SPAG17: variants seen among roughly 807,000 people sequenced by gnomAD.
SPAG17 encodes sperm-associated antigen 17.
SPAG17 carries 169 observed loss-of-function variants against 273.6 expected under a neutral mutation model. The ratio of observed to expected loss-of-function variants is 0.62; its 90% confidence interval spans 0.55 to 0.70. The LOEUF (loss-of-function observed/expected upper bound fraction) is 0.70, where lower values mean the gene tolerates loss of function less well. Among genes scored for constraint, SPAG17 ranks in the 30% least tolerant of loss-of-function variants. SPAG17 has a pLI of 0.00. For missense variants in SPAG17, 2,557 were observed against 2,627.8 expected (o/e 0.97, Z 0.59); for synonymous variants, 825 against 873.2 (o/e 0.94, Z 0.97).
intron 32 of SPAG17, among the ~76,000 whole-genome samples, chr1:117,997,945 C>T (rs964721468): frequency 2.6e-5 from 4 of 152,068 alleles, no homozygotes; most frequent in African/African-American, 7.2e-5. Context: ...AGGGGATAGT[C>T]GTGGTGTTGA....
chr1:118,181,221 C>CA (rs1660924371), intron 1 of SPAG17, among the ~76,000 whole-genome samples: 1 of 151,434 alleles, frequency 6.6e-6, no homozygotes, highest in Non-Finnish European at 1.5e-5. Flanking sequence ...TAACAAAGGA[C>CA]AAAAAAATCT....
chr1:118,046,342 CA>C (rs1429634439), intron 20 of SPAG17, among the ~76,000 whole-genome samples: 1 of 151,210 alleles, frequency 6.6e-6, no homozygotes, highest in African/African-American at 2.4e-5. Flanking sequence ...TTTCCCAAAA[CA>C]AAAAATAAAA....
intron 3 of SPAG17, among the ~76,000 whole-genome samples, chr1:118,123,088 G>A (rs941201467): frequency 6.6e-6 from 1 of 152,254 alleles, no homozygotes; most frequent in East Asian, 1.9e-4. Context: ...GGATGTAGAG[G>A]AAAAAATATG....
At chr1:118,145,423 A>G (rs1445563729) in intron 3 of SPAG17, among the ~76,000 whole-genome samples, 4 of 152,240 alleles carry the variant, frequency 2.6e-5, no homozygotes, top group Non-Finnish European at 4.4e-5. Flanking sequence ...TCCAGGAAAC[A>G]GAAGTCAAAA....
At chr1:118,084,287 A>C (rs1654823680) in intron 13 of SPAG17, among the ~76,000 whole-genome samples, 1 of 152,180 alleles carries the variant, frequency 6.6e-6, no homozygotes, top group African/African-American at 2.4e-5. Flanking sequence ...TTAAAAGTGG[A>C]AAAAGAAATC....
chr1:118,031,722 T>C lies in SPAG17; in HGVS notation c.3579A>G (p.Glu1193=), dbSNP rs1648499387. 1 of 1,613,672 alleles carries C rather than the reference T, an allele frequency of 6.2e-7. No homozygotes were observed. The highest frequency in any genetic ancestry group is 1.7e-5 in the Admixed American group (1 of 59,956). The change falls in exon 25 of 49, where the codon GAA becomes GAG. Residue 1193 remains glutamate, a synonymous_variant. Coordinates refer to ENST00000336338, the MANE Select transcript of SPAG17 (RefSeq NM_206996.4). The part of the protein sequence containing the change: ...GKEKPKESLK[E]EEHPKEEEKK... The stretch of plus-strand genomic sequence containing the variant: ...TCTCTTCTTCTTTTGGGTGTTCTTC[T>C]TCTTTAAGGGATTCTTTGGGTTTTT...
At chr1:118,016,621 C>A (rs1253305511) in intron 28 of SPAG17, among the ~76,000 whole-genome samples, 1 of 152,198 alleles carries the variant, frequency 6.6e-6, no homozygotes, top group Non-Finnish European at 1.5e-5. Context: ...AAATTTTTAA[C>A]TCTTGATTCC....
At chr1:118,162,468 T>C (rs865780512) in intron 1 of SPAG17, among the ~76,000 whole-genome samples, 1 of 152,176 alleles carries the variant, frequency 6.6e-6, no homozygotes, top group Non-Finnish European at 1.5e-5. Context: ...GGGCATGGCA[T>C]TGGGAATAGG....
intron 4 of SPAG17, among the ~76,000 whole-genome samples, chr1:118,106,171 A>T (rs1471316337): frequency 1.3e-5 from 2 of 152,230 alleles, no homozygotes; most frequent in Non-Finnish European, 2.9e-5. Context: ...TTACTGTAGT[A>T]AATTAGCAAG....
chr1:117,967,855 T>C (rs1654050575), intron 46 of SPAG17, among the ~76,000 whole-genome samples: 1 of 152,202 alleles, frequency 6.6e-6, no homozygotes, highest in African/African-American at 2.4e-5. Flanking sequence ...AACAGTTATC[T>C]AGAAAAAAAT....
chr1:118,055,338 A>G (rs1057270176), intron 19 of SPAG17, among the ~76,000 whole-genome samples: 4 of 152,096 alleles, frequency 2.6e-5, no homozygotes, highest in Non-Finnish European at 5.9e-5. Context: ...TTTAGTCTCA[A>G]TTTTGGAATC....
At chr1:118,040,618 G>C in intron 22 of SPAG17, 112 bp downstream of exon 22, 1 of 695,784 alleles carries the variant, frequency 1.4e-6, no homozygotes, top group Non-Finnish European at 2.6e-6. Flanking sequence ...TAAATGTATT[G>C]TGGGGGACAG....
At position 118,081,061 on chromosome 1, in the gene SPAG17, ACAC is replaced by A. The variant is rs752471777; in HGVS notation, c.2209+37_2209+39del. 9 of 230,414 alleles carry A rather than the reference ACAC, an allele frequency of 3.9e-5. No individual in the cohort carries two copies. The East Asian group carries it at 8.0e-4, about 21-fold the overall frequency. The allele number at this position is 230,414 out of a possible 1,614,324, so 14.3% of individuals were successfully genotyped here. A position where few individuals can be genotyped will look rare whatever the true frequency, so the allele number is the denominator to read the frequency against. Reference sequence around the variant, plus strand: ...TATGTGTACTATAATAGTGTCTTACACACACACACACACACACACACACACACA... The same window carrying A: ...TATGTGTACTATAATAGTGTCTTACAACACACACACACACACACACACACA... On this transcript the variant is annotated intron_variant, in intron 15 of 48. Coordinates refer to ENST00000336338, the MANE Select transcript of SPAG17 (RefSeq NM_206996.4).
chr1:117,977,155 CAA>C lies in SPAG17; in HGVS notation c.6005-3596_6005-3595del, dbSNP rs5777331. 1.9e-3 allele frequency among the ~76,000 whole-genome samples: 262 copies of C among 141,270 alleles called. 1 individual carries two copies. The highest frequency in any genetic ancestry group is 8.9e-3 in the East Asian group (42 of 4,744). The allele number at this position is 141,270 out of a possible 152,430, so 92.7% of individuals were successfully genotyped here. On this transcript the variant is annotated intron_variant, in intron 43 of 48. Coordinates refer to ENST00000336338, the MANE Select transcript of SPAG17 (RefSeq NM_206996.4). ...TGAAACCCCGTCTCTACTAAAAATACAAAAAAAAAAAAAAAATTAGCTGGGTG... is the reference window on the plus strand; with the variant it reads ...TGAAACCCCGTCTCTACTAAAAATACAAAAAAAAAAAAAATTAGCTGGGTG...
chr1:117,954,677 C>A, intron 48 of SPAG17: 5 of 1,566,628 alleles, frequency 3.2e-6, no homozygotes, highest in Non-Finnish European at 4.4e-6. Context: ...AGGTTACTTA[C>A]AAGGACAAGA....
At chr1:117,995,269 T>C (rs1325901711) in intron 34 of SPAG17, among the ~76,000 whole-genome samples, 1 of 152,140 alleles carries the variant, frequency 6.6e-6, no homozygotes, top group Non-Finnish European at 1.5e-5. Context: ...CATAGAACTA[T>C]GTTCTTTCCC....
chr1:118,100,536 T>C (rs1655997388), intron 5 of SPAG17, among the ~76,000 whole-genome samples: 1 of 152,184 alleles, frequency 6.6e-6, no homozygotes, highest in Admixed American at 6.6e-5. Context: ...TTAAGATCAA[T>C]ATATAAATAG....
intron 1 of SPAG17, among the ~76,000 whole-genome samples, chr1:118,176,420 T>C (rs1040146313): frequency 9.8e-5 from 15 of 152,312 alleles, no homozygotes; most frequent in African/African-American, 3.1e-4. Flanking sequence ...GCTATACTTA[T>C]ATCAGGTAAA....
chr1:118,145,619 T>C (rs995987565), intron 3 of SPAG17, among the ~76,000 whole-genome samples: 12 of 152,096 alleles, frequency 7.9e-5, no homozygotes, highest in African/African-American at 2.4e-4. Flanking sequence ...CCGGTTGCAA[T>C]AGAAAGGCCC....
Sources: allele counts gnomAD v4.1 joint callset (sites outside exome capture counted in the v4.1 genomes callset), GRCh38; gene constraint gnomAD v4.1.1; transcripts MANE v1.5; gene names NCBI Gene and HGNC (gene_info 2026-07-23, HGNC 2026-07-21).